The following EIF2AK3 variants were observed in gnomAD, a reference collection of about 807,000 sequenced individuals.
EIF2AK3 encodes eukaryotic translation initiation factor 2 alpha kinase 3, also known as eukaryotic translation initiation factor 2-alpha kinase 3.
In EIF2AK3, 50 loss-of-function variants were observed where a neutral mutation model predicts 113.5. The ratio of observed to expected loss-of-function variants is 0.44; its 90% CI spans 0.35 to 0.56. The LOEUF (loss-of-function observed/expected upper bound fraction) is 0.56, where lower values mean the gene tolerates loss of function less well. EIF2AK3 is among the 20% of genes least tolerant of loss of function. The pLI, the probability that EIF2AK3 is intolerant of heterozygous loss-of-function variation, is 0.00. For synonymous variants in EIF2AK3, 448 were observed against 495.4 expected, an observed-to-expected ratio of 0.90 and a Z score of 1.27; for missense variants, 1,185 against 1,378.0, an observed-to-expected ratio of 0.86 and a Z score of 2.22.
At position 88,579,500 on chromosome 2, in the gene EIF2AK3, GA is replaced by G. The variant is rs756932286; in HGVS notation, c.1886+17del. 2 of 1,613,186 alleles carry G rather than the reference GA, an allele frequency of 1.2e-6. No homozygotes were observed. The highest frequency in any genetic ancestry group is 1.1e-5 in the South Asian group (1 of 91,058). On this transcript the variant is annotated intron_variant, in intron 11 of 16. Coordinates refer to ENST00000303236, the MANE Select transcript of EIF2AK3 (RefSeq NM_004836.7). ...ACACTGTGCTGATTTCAAGTTTACT[GA>G]AGGTACCACCCATTACCTATTGGGG...
In EIF2AK3 at chr2:88,575,198, T is replaced by C; in HGVS notation, c.2285A>G (p.Gln762Arg). The change falls in exon 13 of 17, where the codon CAG becomes CGG. Residue 762 changes from glutamine to arginine, a missense_variant. Coordinates refer to ENST00000303236, the MANE Select transcript of EIF2AK3 (RefSeq NM_004836.7). The part of the protein sequence containing the change: ...SESVDAAYNL[Q>R]DSCLTDCDVE... ...ATCACAGTCTGTAAGGCAACTGTCC[T>C]GGAGGTTGTATGCTGCATCCACTGA... 1 of 1,613,088 alleles carries C rather than the reference T, an allele frequency of 6.2e-7. No homozygotes were observed. Among genetic ancestry groups the C allele is most frequent in the Non-Finnish European group, 8.5e-7 (1 of 1,179,312 alleles).
chr2:88,579,726 TA>T (rs1168537703), intron 10 of EIF2AK3, 86 bp from the exon 11 acceptor site: 2 of 1,240,816 alleles, frequency 1.6e-6, no homozygotes, highest in African/African-American at 3.0e-5. Context: ...TTATGACACA[TA>T]AAAATGTATA....
chr2:88,590,739 T>C, intron 5 of EIF2AK3, 79 bp downstream of exon 5: 1 of 1,579,444 alleles, frequency 6.3e-7, no homozygotes, highest in Non-Finnish European at 8.7e-7. Flanking sequence ...TAGTAGTAAT[T>C]TCGTTCCACC....
At chr2:88,577,880 G>T (rs1476760666) in intron 11 of EIF2AK3, among the ~76,000 whole-genome samples, 2 of 152,128 alleles carry the variant, frequency 1.3e-5, no homozygotes, top group Non-Finnish European at 2.9e-5. Context: ...AGCAAATGCC[G>T]CCATTTCTAA....
Position 88,588,078 on chromosome 2 carries a change from C to T in EIF2AK3, c.1333G>A (p.Val445Ile). 2 of 1,521,090 alleles carry T rather than the reference C, an allele frequency of 1.3e-6. No homozygotes were observed. The highest frequency in any genetic ancestry group is 1.2e-5 in the South Asian group (1 of 83,668). The allele number at this position is 1,521,090 out of a possible 1,614,324, so 94.2% of individuals were successfully genotyped here. ...IHSPSRTPVL[V>I]GSDEFDKCLS... is the part of the protein sequence containing the mutation. ...CATTTGTCAAATTCATCAGATCCTA[C>T]CAAGACAGGAGTTCTGGAAGGAGAA... The change falls in exon 8 of 17, where the codon GTA becomes ATA. Residue 445 changes from valine to isoleucine, a missense_variant. Val to Ile is a conservative substitution (Grantham distance 29). This residue lies in a region of EIF2AK3 where 877 missense variants were observed against 1,024.2 expected (regional missense o/e 0.86). Transcript: ENST00000303236.
At position 88,570,937 on chromosome 2, in the gene EIF2AK3, T is replaced by C. The variant is rs553651874; in HGVS notation, c.2922A>G (p.Pro974=). The C allele has an allele frequency of 6.2e-7, 1 of 1,614,164 alleles. No homozygotes were observed. Among genetic ancestry groups the C allele is most frequent in the South Asian group, 1.1e-5 (1 of 91,082 alleles). ...QDEEEQTVLT[P]MPAYARHTGQ... is the part of the protein sequence containing the mutation. ...CTGTGTGTCTGGCATAAGCTGGCAT[T>C]GGGGTCAGAACCGTCTGCTCTTCCT... Residue 974 remains proline (P), a synonymous_variant, in exon 14 of 17, where the codon CCA becomes CCG. Transcript: ENST00000303236.
chr2:88,601,430 A>T (rs1041441134), intron 2 of EIF2AK3, among the ~76,000 whole-genome samples: 10 of 152,258 alleles, frequency 6.6e-5, no homozygotes, highest in Non-Finnish European at 1.5e-5. Flanking sequence ...ACAGCCCATG[A>T]GCCAAATCCA....
intron 4 of EIF2AK3, among the ~76,000 whole-genome samples, chr2:88,591,754 G>A (rs1468971769): frequency 6.6e-6 from 1 of 152,094 alleles, no homozygotes; most frequent in African/African-American, 2.4e-5. Context: ...TAAGAATTCT[G>A]ACATTTATGG....
chr2:88,595,387 T>A (rs1674993060), intron 3 of EIF2AK3, 82 bp downstream of exon 3: 1 of 1,329,162 alleles, frequency 7.5e-7, no homozygotes, highest in East Asian at 2.5e-5. Flanking sequence ...ACTCAACTAA[T>A]AATAAGTGTA....
chr2:88,601,624 G>A (rs1428778858), intron 2 of EIF2AK3, among the ~76,000 whole-genome samples: 1 of 152,084 alleles, frequency 6.6e-6, no homozygotes, highest in African/African-American at 2.4e-5. Context: ...TACCATATTA[G>A]GAGGCACATA....
intron 2 of EIF2AK3, among the ~76,000 whole-genome samples, chr2:88,601,613 A>G (rs1675148610): frequency 6.6e-6 from 1 of 152,146 alleles, no homozygotes; most frequent in Non-Finnish European, 1.5e-5. Flanking sequence ...CCCCTATGCT[A>G]TACCATATTA....
At chr2:88,565,666 A>T (rs894455622) in intron 14 of EIF2AK3, among the ~76,000 whole-genome samples, 76 of 152,318 alleles carry the variant, frequency 5.0e-4, no homozygotes, top group African/African-American at 1.7e-3. Flanking sequence ...CTGTTGTATG[A>T]CTATGTAGAA....
rs981005804 is a variant in EIF2AK3 at position 88,627,442 on chromosome 2, C to T, written c.-168G>A. 2 of 807,162 alleles carry T rather than the reference C, an allele frequency of 2.5e-6. No homozygotes were observed. Among genetic ancestry groups the T allele is most frequent in the South Asian group, 3.6e-5 (1 of 27,774 alleles). The allele number at this position is 807,162 out of a possible 1,614,324, so 50.0% of individuals were successfully genotyped here. A position where few individuals can be genotyped will look rare whatever the true frequency, so the allele number is the denominator to read the frequency against. On this transcript the variant is annotated 5_prime_UTR_variant, in exon 1 of 17. Transcript: ENST00000303236. ...GGCCACGTCTCAGCCCGGCCTCTGC[C>T]GCTGCCACCTGAGTGACAGCCTATC...
At position 88,557,794 on chromosome 2, in the gene EIF2AK3, G is replaced by T. The variant is rs770232594; in HGVS notation, c.3293C>A (p.Ser1098Ter). 2 of 1,614,104 alleles carry T rather than the reference G, an allele frequency of 1.2e-6. No homozygotes were observed. The highest frequency in any genetic ancestry group is 1.1e-5 in the South Asian group (1 of 91,078). Reference sequence around the variant, plus strand: ...GGACTGTCTTGAATGTTTTGTTCCCGATGAACTCAAGGAGCGAGACCTCTG... The same window carrying T: ...GGACTGTCTTGAATGTTTTGTTCCCTATGAACTCAAGGAGCGAGACCTCTG... ...LRQRSRSLSS[S>*]GTKHSRQSNN... Residue 1098 changes from serine to a stop codon, truncating the protein, a stop_gained, in exon 17 of 17, where the codon TCG becomes TAG. Transcript: ENST00000303236. LOFTEE classifies it high-confidence loss of function.
intron 14 of EIF2AK3, among the ~76,000 whole-genome samples, chr2:88,569,270 A>G (rs1470712028): frequency 6.6e-6 from 1 of 151,702 alleles, no homozygotes; most frequent in Non-Finnish European, 1.5e-5. Context: ...TGGGAGGCTG[A>G]GGTTCAAGGA....
At position 88,588,774 on chromosome 2, in the gene EIF2AK3, C is replaced by A; in HGVS notation, c.1293G>T (p.Trp431Cys). 6.2e-7 allele frequency: 1 copy of A among 1,613,612 alleles called. No individual in the cohort carries two copies. Among genetic ancestry groups the A allele is most frequent in the Non-Finnish European group, 8.5e-7 (1 of 1,179,780 alleles). ...CAATTCACTTACGAATTAAGGGTTT[C>A]CATTTGATTGTTGGTAAAGGAATAA... ...NAIIPLPTIK[W>C]KPLIHSPSRT... Residue 431 changes from tryptophan to cysteine, a missense_variant, in exon 7 of 17, where the codon TGG (tryptophan) becomes TGT (cysteine). Transcript: ENST00000303236.
chr2:88,613,164 A>G (rs1438079298), intron 2 of EIF2AK3, among the ~76,000 whole-genome samples: 1 of 152,158 alleles, frequency 6.6e-6, no homozygotes, highest in African/African-American at 2.4e-5. Context: ...TGACAGAGTA[A>G]TTTTGGAAGC....
At chr2:88,579,774 GAATTT>G (rs1317460574) in intron 10 of EIF2AK3, 134 bp from the exon 11 acceptor site, 1 of 795,650 alleles carries the variant, frequency 1.3e-6, no homozygotes, top group East Asian at 2.8e-5. Context: ...AGTATATTTT[GAATTT>G]GATTAACAGC....
chr2:88,600,921 A>G (rs1269623777), intron 2 of EIF2AK3, among the ~76,000 whole-genome samples: 3 of 152,220 alleles, frequency 2.0e-5, no homozygotes, highest in Admixed American at 6.5e-5. Context: ...GAGTACATTC[A>G]ACTTTATTTT....
Sources: allele counts gnomAD v4.1 joint callset (sites outside exome capture counted in the v4.1 genomes callset), GRCh38; gene constraint gnomAD v4.1.1; regional missense constraint gnomAD v4.1.1; transcripts MANE v1.5; gene names NCBI Gene and HGNC (gene_info 2026-07-23, HGNC 2026-07-21).